C8orf88: variants seen among roughly 807,000 people sequenced by gnomAD.
C8orf88 encodes chromosome 8 open reading frame 88, also known as uncharacterized protein C8orf88.
In C8orf88, 14 loss-of-function variants were observed where a neutral mutation model predicts 18.4. The observed-to-expected ratio is 0.76, with a 90% confidence interval of 0.50 to 1.19. The LOEUF (loss-of-function observed/expected upper bound fraction) is 1.19. Among genes scored for constraint, C8orf88 ranks in the 50% most tolerant of loss-of-function variants. C8orf88 has a pLI of 0.00. For synonymous variants in C8orf88, 45 were observed against 42.9 expected, an observed-to-expected ratio of 1.05 and a Z score of -0.19; for missense variants, 116 against 134.7, an observed-to-expected ratio of 0.86 and a Z score of 0.69.
At chr8:90,970,994 T>TA (rs1291097067) in intron 4 of C8orf88, 72 bp downstream of exon 4, 1 of 860,544 alleles carries the variant, frequency 1.2e-6, no homozygotes, top group African/African-American at 1.7e-5. Context: ...ATCTAAGTGA[T>TA]AAAGTAATAT....
chr8:90,973,489 T>C (rs189154794), intron 3 of C8orf88, among the ~76,000 whole-genome samples: 155 of 152,236 alleles, frequency 1.0e-3, no homozygotes, highest in African/African-American at 3.6e-3. Flanking sequence ...TTTAGACTTT[T>C]TGTATTTTTT....
At chr8:90,980,680 T>C (rs902353468) in intron 1 of C8orf88, among the ~76,000 whole-genome samples, 4 of 152,154 alleles carry the variant, frequency 2.6e-5, no homozygotes, top group African/African-American at 9.7e-5. Context: ...TTAACTTTAC[T>C]GACTCTATAT....
intron 3 of C8orf88, among the ~76,000 whole-genome samples, chr8:90,972,971 T>C (rs962356774): frequency 2.1e-4 from 32 of 152,168 alleles, no homozygotes; most frequent in Admixed American, 1.9e-3. Context: ...AGTGGACCCG[T>C]TGAACTCATT....
At chr8:90,984,343 TG>T (rs1224811831) in intron 1 of C8orf88, among the ~76,000 whole-genome samples, 1 of 152,200 alleles carries the variant, frequency 6.6e-6, no homozygotes, top group Non-Finnish European at 1.5e-5. Context: ...CAATACTGCT[TG>T]TAAGTAAACT....
intron 3 of C8orf88, among the ~76,000 whole-genome samples, chr8:90,973,538 A>G (rs1403405424): frequency 6.6e-6 from 1 of 152,110 alleles, no homozygotes; most frequent in East Asian, 1.9e-4. Flanking sequence ...GCTGGAGTGC[A>G]GTGCCGTGAT....
chr8:90,983,320 T>C (rs1811460631), intron 1 of C8orf88, among the ~76,000 whole-genome samples: 1 of 152,142 alleles, frequency 6.6e-6, no homozygotes, highest in Non-Finnish European at 1.5e-5. Flanking sequence ...TGAGAAATGG[T>C]TGCTGAATAG....
At chr8:90,971,810 C>T (rs1009625396) in intron 3 of C8orf88, among the ~76,000 whole-genome samples, 2 of 151,938 alleles carry the variant, frequency 1.3e-5, no homozygotes, top group Non-Finnish European at 2.9e-5. Context: ...TGATCCCATG[C>T]TCACCAAGAC....
chr8:90,978,348 T>C (rs565060944), intron 3 of C8orf88, among the ~76,000 whole-genome samples: 2 of 152,204 alleles, frequency 1.3e-5, no homozygotes, highest in Non-Finnish European at 2.9e-5. Context: ...ATATAGAGTT[T>C]GTAACTATAT....
intron 3 of C8orf88, 81 bp downstream of exon 3, chr8:90,978,498 T>A: frequency 1.4e-6 from 1 of 729,894 alleles, no homozygotes; most frequent in Non-Finnish European, 2.1e-6. Context: ...ATAAGCATAG[T>A]ATCTGGCACA....
At chr8:90,983,570 T>C (rs1043787590) in intron 1 of C8orf88, among the ~76,000 whole-genome samples, 1 of 152,176 alleles carries the variant, frequency 6.6e-6, no homozygotes, top group African/African-American at 2.4e-5. Context: ...AATAAGCAGA[T>C]ACATTGACCA....
chr8:90,963,202 C>A (rs796772842), intron 4 of C8orf88, among the ~76,000 whole-genome samples: 7 of 151,624 alleles, frequency 4.6e-5, no homozygotes, highest in African/African-American at 1.7e-4. Context: ...TATGTCAAAT[C>A]ACCAGCTGAC....
intron 1 of C8orf88, among the ~76,000 whole-genome samples, chr8:90,982,712 C>T (rs1811450927): frequency 6.6e-6 from 1 of 151,996 alleles, no homozygotes; most frequent in South Asian, 2.1e-4. Flanking sequence ...TATAAATCCA[C>T]ATCAGTTAAG....
intron 3 of C8orf88, among the ~76,000 whole-genome samples, chr8:90,978,015 C>A (rs1416809139): frequency 6.6e-6 from 1 of 152,048 alleles, no homozygotes; most frequent in Non-Finnish European, 1.5e-5. Flanking sequence ...GAAACTGGTA[C>A]AATGCATCTG....
rs141491905 is a variant in C8orf88 at position 90,961,402 on chromosome 8, A to G, written c.224-554T>C. Among the ~76,000 whole-genome samples, 451 of 151,514 alleles carry G rather than the reference A, an allele frequency of 3.0e-3. 1 individual carries two copies. The highest frequency in any genetic ancestry group is 6.7e-3 in the African/African-American group (276 of 41,476). On this transcript the variant is annotated intron_variant, in intron 4 of 5. Coordinates refer to ENST00000517562, the MANE Select transcript of C8orf88 (RefSeq NM_001190972.2). ...CAAATCAGAAATGATTACCAGAAAC[A>G]ATCACCAAGACAGATTATATGCTGT...
chr8:90,960,934 CTATTCATTATATAAAA>C, intron 4 of C8orf88, 86 bp from the exon 5 acceptor site: 1 of 655,178 alleles, frequency 1.5e-6, no homozygotes, highest in South Asian at 2.1e-5. Context: ...TGGATGTCCT[CTATTCATTATATAAAA>C]TGATGAGTCG....
chr8:90,973,579 C>G (rs867415760), intron 3 of C8orf88, among the ~76,000 whole-genome samples: 76 of 152,182 alleles, frequency 5.0e-4, no homozygotes, highest in African/African-American at 1.8e-3. Flanking sequence ...AACTCCTGAA[C>G]TCAAGTCATC....
At chr8:90,976,024 G>T (rs1196699348) in intron 3 of C8orf88, among the ~76,000 whole-genome samples, 2 of 151,374 alleles carry the variant, frequency 1.3e-5, no homozygotes, top group African/African-American at 4.9e-5. Flanking sequence ...GAATATACAT[G>T]ATATTTTTCA....
Position 90,958,972 on chromosome 8 carries a change from G to T in C8orf88, c.*35C>A. On this transcript the variant is annotated 3_prime_UTR_variant, in exon 6 of 6. Transcript: ENST00000517562. ...TGTTGCTAGATCCACCTCATTTGCAGATGTCCAAACTTAAATTCATCTGTT... is the reference window on the plus strand; with the variant it reads ...TGTTGCTAGATCCACCTCATTTGCATATGTCCAAACTTAAATTCATCTGTT... The T allele has an allele frequency of 7.4e-7, 1 of 1,355,996 alleles. No individual in the cohort carries two copies. Among genetic ancestry groups the T allele is most frequent in the Non-Finnish European group, 1.0e-6 (1 of 1,004,010 alleles). 84.0% of individuals were successfully genotyped at this position (1,355,996 alleles called of 1,614,324 possible).
At chr8:90,960,223 TAAG>T (rs1203433803) in intron 5 of C8orf88, among the ~76,000 whole-genome samples, 4 of 151,468 alleles carry the variant, frequency 2.6e-5, no homozygotes, top group African/African-American at 9.7e-5. Context: ...TATAAAGGGC[TAAG>T]AATAGCAAAG....
Sources: allele counts gnomAD v4.1 joint callset (sites outside exome capture counted in the v4.1 genomes callset), GRCh38; gene constraint gnomAD v4.1.1; transcripts MANE v1.5; gene names NCBI Gene and HGNC (gene_info 2026-07-23, HGNC 2026-07-21).